Variants in KANTR observed in about 807,000 individuals in gnomAD.
KANTR encodes KDM5C adjacent transcript.
At chrX:53,094,182 C>T (rs1193665396) in exon 1 of KANTR, 1 of 113,140 alleles carries the variant, frequency 8.8e-6, no homozygotes, top group Non-Finnish European at 1.9e-5. Context: ...CGCTGCAGCC[C>T]GTGGAAGGGT....
At chrX:53,133,246 G>T (rs782329068) in intron 2 of KANTR, among the ~76,000 whole-genome samples, 1 of 109,485 alleles carries the variant, frequency 9.1e-6, no homozygotes, top group East Asian at 2.9e-4. Flanking sequence ...GTGTGCCTGT[G>T]GTCCCAGCTA....
intron 1 of KANTR, among the ~76,000 whole-genome samples, chrX:53,097,350 G>T (rs1556811029): frequency 4.0e-4 from 27 of 67,973 alleles, no homozygotes; most frequent in South Asian, 2.3e-3. Flanking sequence ...TTTGTTTTAA[G>T]TTTTTTTTTT....
downstream of KANTR, among the ~76,000 whole-genome samples, chrX:53,144,443 C>G (rs1933546129): frequency 8.9e-6 from 1 of 111,823 alleles, no homozygotes; most frequent in Non-Finnish European, 1.9e-5. Context: ...CGCTTGTAAT[C>G]CCAGCACTTT....
At chrX:53,138,874 A>C (rs2146757033) in intron 2 of KANTR, among the ~76,000 whole-genome samples, 1 of 110,859 alleles carries the variant, frequency 9.0e-6, no homozygotes, top group Admixed American at 9.6e-5. Flanking sequence ...CTGGCTCATG[A>C]CAGAGAACAA....
At chrX:53,104,520 C>T (rs1409297007) in intron 2 of KANTR, among the ~76,000 whole-genome samples, 2 of 110,727 alleles carry the variant, frequency 1.8e-5, no homozygotes, top group African/African-American at 6.6e-5. Flanking sequence ...TTTCACCCCC[C>T]GACCCCCACC....
At chrX:53,104,457 C>G (rs889138187) in intron 2 of KANTR, among the ~76,000 whole-genome samples, 1 of 109,904 alleles carries the variant, frequency 9.1e-6, no homozygotes, top group East Asian at 2.9e-4. Context: ...AAACTCCTGA[C>G]CTCAAGTGAT....
chrX:53,125,692 A>G (rs1037992062), exon 3 of KANTR: 1 of 111,415 alleles, frequency 9.0e-6, no homozygotes, highest in African/African-American at 3.3e-5. Context: ...TCTCCTGATC[A>G]CATACTGTTG....
intron 2 of KANTR, among the ~76,000 whole-genome samples, chrX:53,101,364 G>C (rs1556811823): frequency 1.8e-5 from 2 of 112,007 alleles, no homozygotes; most frequent in African/African-American, 6.5e-5. Flanking sequence ...CCAGCACTTT[G>C]GGAGGCTGAG....
intron 2 of KANTR, among the ~76,000 whole-genome samples, chrX:53,117,611 T>TG (rs1569237410): frequency 0.15 from 2,777 of 19,058 alleles, 57 homozygotes; most frequent in Non-Finnish European, 0.26. Context: ...GTGTGTGTGT[T>TG]TTTTTTTTTT....
In KANTR at chrX:53,118,955, T is replaced by C. The variant is rs782126738; in HGVS notation, c.-804-4514T>C. Among the ~76,000 whole-genome samples, 8 of 110,812 alleles carry C rather than the reference T, an allele frequency of 7.2e-5. No homozygotes were observed. The South Asian group carries it at 2.7e-3, about 37-fold the overall frequency. On this transcript the variant is annotated intron_variant, in intron 2 of 2. Transcript: ENST00000604062. ...GTGTTCTTTATGTGGATCCTCATCA[T>C]TGGTCAGTTGTATGTGTTGAATAGC...
chrX:53,120,394 T>C (rs1255015134), intron 2 of KANTR, among the ~76,000 whole-genome samples: 2 of 111,566 alleles, frequency 1.8e-5, no homozygotes, highest in African/African-American at 6.5e-5. Context: ...TGTAAAAATG[T>C]TGGAATTGCA....
chrX:53,144,961 G>C (rs1314090988), downstream of KANTR, among the ~76,000 whole-genome samples: 1 of 111,764 alleles, frequency 8.9e-6, no homozygotes, highest in East Asian at 2.8e-4. Flanking sequence ...ATATTGTACA[G>C]TAAGGTGAAT....
intron 2 of KANTR, among the ~76,000 whole-genome samples, chrX:53,114,671 A>G (rs138320885): frequency 0.011 from 1,126 of 104,172 alleles, 13 homozygotes; most frequent in African/African-American, 0.038. Context: ...GGGTCCACAA[A>G]AGCACAGCTG....
intron 1 of KANTR, 61 bp downstream of exon 1, chrX:53,094,345 C>A (rs2146708329): frequency 9.0e-6 from 1 of 111,060 alleles, no homozygotes; most frequent in African/African-American, 3.3e-5. Flanking sequence ...CCGGCCGAAG[C>A]GCGCGAGGGG....
chrX:53,140,306 G>C (rs1182326962), intron 2 of KANTR, among the ~76,000 whole-genome samples: 1 of 111,523 alleles, frequency 9.0e-6, no homozygotes, highest in African/African-American at 3.3e-5. Flanking sequence ...TTCCAGACCA[G>C]CCTGGCCATC....
chrX:53,097,657 AT>A (rs1932856016), intron 1 of KANTR, among the ~76,000 whole-genome samples: 1 of 108,416 alleles, frequency 9.2e-6, no homozygotes, highest in African/African-American at 3.3e-5. Flanking sequence ...CCAGCCAAGA[AT>A]TTTTAAACTT....
chrX:53,120,220 G>A (rs1933196965), intron 2 of KANTR, among the ~76,000 whole-genome samples: 1 of 110,019 alleles, frequency 9.1e-6, no homozygotes, highest in South Asian at 4.0e-4. Flanking sequence ...TTTTTTTGTA[G>A]AGACAGGGTT....
intron 2 of KANTR, among the ~76,000 whole-genome samples, chrX:53,101,613 T>C (rs1182049160): frequency 1.8e-5 from 2 of 111,479 alleles, no homozygotes; most frequent in African/African-American, 6.5e-5. Context: ...AGTCGAGCAG[T>C]CAGAACATAC....
At chrX:53,106,608 C>T (rs781902501) in intron 2 of KANTR, among the ~76,000 whole-genome samples, 1 of 109,075 alleles carries the variant, frequency 9.2e-6, no homozygotes, top group South Asian at 3.9e-4. Context: ...CTGTGTATTG[C>T]CCATGCTGGT....
Sources: allele counts gnomAD v4.1 joint callset (sites outside exome capture counted in the v4.1 genomes callset), GRCh38; gene constraint gnomAD v4.1.1; transcripts MANE v1.5; gene names NCBI Gene and HGNC (gene_info 2026-07-23, HGNC 2026-07-21).